SLC35F1: variants seen among roughly 807,000 people sequenced by gnomAD.
SLC35F1 encodes chromosome 6 open reading frame 169.
Under a neutral mutation model 48.7 loss-of-function variants are expected in SLC35F1, and 14 were observed. That is an observed-to-expected ratio of 0.29 (90% CI 0.19 to 0.45). SLC35F1 has a LOEUF of 0.45. Among genes scored for constraint, SLC35F1 ranks in the 20% least tolerant of loss-of-function variants. SLC35F1 has a pLI of 1.00. For synonymous variants in SLC35F1, 190 were observed against 202.2 expected (o/e 0.94, Z 0.51); for missense variants, 404 against 500.0 (o/e 0.81, Z 1.83).
At position 118,125,912 on chromosome 6, in the gene SLC35F1, C is replaced by T. The variant is rs1190886505; in HGVS notation, c.174-28533C>T. On this transcript the variant is annotated intron_variant, in intron 1 of 7. Coordinates refer to ENST00000360388, the MANE Select transcript of SLC35F1 (RefSeq NM_001029858.4). Reference sequence around the variant, plus strand: ...CTGGAGCAGCTCTTGGGCTATTGCCCGTGGATAATCGCTGTTCTTTTTTTT... The same window carrying T: ...CTGGAGCAGCTCTTGGGCTATTGCCTGTGGATAATCGCTGTTCTTTTTTTT... Among the ~76,000 whole-genome samples the T allele has an allele frequency of 2.0e-5, 3 of 152,170 alleles. No homozygotes were observed. In the East Asian group the frequency reaches 5.8e-4, roughly 29 times the overall value.
At chr6:117,926,845 C>A (rs1342989738) in intron 1 of SLC35F1, among the ~76,000 whole-genome samples, 1 of 152,104 alleles carries the variant, frequency 6.6e-6, no homozygotes, top group Non-Finnish European at 1.5e-5. Flanking sequence ...GCAGTATAAA[C>A]AGTGAATTTG....
At chr6:117,911,377 A>G (rs1358583823) in intron 1 of SLC35F1, among the ~76,000 whole-genome samples, 1 of 141,710 alleles carries the variant, frequency 7.1e-6, no homozygotes, top group Non-Finnish European at 1.5e-5. Flanking sequence ...TCTTCTTCAC[A>G]TTTCCCTCCC....
intron 1 of SLC35F1, among the ~76,000 whole-genome samples, chr6:118,094,247 A>G (rs1773117072): frequency 6.6e-6 from 1 of 152,202 alleles, no homozygotes; most frequent in Non-Finnish European, 1.5e-5. Context: ...GGCACTGATC[A>G]TAGGAGAGAA....
At chr6:118,219,715 C>T (rs1445523370) in intron 2 of SLC35F1, among the ~76,000 whole-genome samples, 1 of 152,102 alleles carries the variant, frequency 6.6e-6, no homozygotes, top group Non-Finnish European at 1.5e-5. Flanking sequence ...AAGACACATG[C>T]TACGTATGTT....
intron 7 of SLC35F1, among the ~76,000 whole-genome samples, chr6:118,298,042 A>G (rs1247183225): frequency 2.0e-5 from 3 of 151,996 alleles, no homozygotes; most frequent in Non-Finnish European, 4.4e-5. Context: ...CTCTCTCATC[A>G]TGTGACATGC....
At chr6:118,008,456 T>G (rs1777204101) in intron 1 of SLC35F1, among the ~76,000 whole-genome samples, 1 of 152,142 alleles carries the variant, frequency 6.6e-6, no homozygotes, top group South Asian at 2.1e-4. Flanking sequence ...TTAAATTAAT[T>G]TCAGGTTTGA....
At chr6:118,030,550 A>G (rs1365829302) in intron 1 of SLC35F1, among the ~76,000 whole-genome samples, 1 of 152,208 alleles carries the variant, frequency 6.6e-6, no homozygotes, top group African/African-American at 2.4e-5. Context: ...TCTCTTAAAA[A>G]GGAGAAAGTT....
intron 3 of SLC35F1, among the ~76,000 whole-genome samples, chr6:118,248,761 C>G (rs1775537937): frequency 6.6e-6 from 1 of 152,202 alleles, no homozygotes; most frequent in Middle Eastern, 3.2e-3. Flanking sequence ...TTTATTACAG[C>G]AGCAATGGAA....
chr6:118,051,579 G>A (rs569903800), intron 1 of SLC35F1, among the ~76,000 whole-genome samples: 3 of 152,026 alleles, frequency 2.0e-5, no homozygotes, highest in Non-Finnish European at 4.4e-5. Context: ...GTAAGGGTGG[G>A]GTTATGAAAA....
intron 1 of SLC35F1, among the ~76,000 whole-genome samples, chr6:118,055,359 A>C (rs1772449122): frequency 6.6e-6 from 1 of 152,134 alleles, no homozygotes; most frequent in Non-Finnish European, 1.5e-5. Flanking sequence ...TTCTTGGCAA[A>C]TTATTTAGTC....
rs184619747 is a variant in SLC35F1 at position 117,961,943 on chromosome 6, A to G, written c.173+54044A>G. On this transcript the variant is annotated intron_variant, in intron 1 of 7. Transcript: ENST00000360388. ...GGCTGGAGGAAGATGGTGGTAAGTT[A>G]TATCAGAACTCAGTTTATGCATAGA... Among the ~76,000 whole-genome samples the G allele has an allele frequency of 1.7e-3, 257 of 152,364 alleles. 1 individual carries two copies. The highest frequency in any genetic ancestry group is 3.4e-3 in the Middle Eastern group (1 of 294).
intron 2 of SLC35F1, among the ~76,000 whole-genome samples, chr6:118,209,650 A>G (rs1346361632): frequency 6.6e-6 from 1 of 152,074 alleles, no homozygotes; most frequent in African/African-American, 2.4e-5. Flanking sequence ...TCATTTTAAT[A>G]TTATATTAAA....
chr6:118,066,191 G>A (rs2114284508), intron 1 of SLC35F1, among the ~76,000 whole-genome samples: 1 of 152,152 alleles, frequency 6.6e-6, no homozygotes, highest in African/African-American at 2.4e-5. Flanking sequence ...ATTGGAATTT[G>A]GCTTATTTCT....
intron 7 of SLC35F1, among the ~76,000 whole-genome samples, chr6:118,287,899 A>C (rs1407306583): frequency 6.6e-6 from 1 of 152,196 alleles, no homozygotes; most frequent in Non-Finnish European, 1.5e-5. Flanking sequence ...ACCATGTAGT[A>C]ACCCCTCATT....
chr6:117,982,166 C>G (rs1446099531), intron 1 of SLC35F1, among the ~76,000 whole-genome samples: 1 of 152,078 alleles, frequency 6.6e-6, no homozygotes, highest in Non-Finnish European at 1.5e-5. Context: ...AATAAATTAG[C>G]CTTTCTTTAT....
intron 2 of SLC35F1, among the ~76,000 whole-genome samples, chr6:118,218,698 T>C (rs4946328): frequency 0.93 from 142,143 of 152,274 alleles, 66,408 homozygotes; most frequent in East Asian, 0.98. Flanking sequence ...TTAAAAGCTG[T>C]GTAGCCAGTG....
intron 1 of SLC35F1, among the ~76,000 whole-genome samples, chr6:117,975,093 T>A (rs1776689426): frequency 2.0e-5 from 3 of 152,214 alleles, no homozygotes; most frequent in Admixed American, 6.5e-5. Context: ...ATCCATAGCC[T>A]CTGAGTTTTG....
At chr6:118,066,228 C>A (rs2114284597) in intron 1 of SLC35F1, among the ~76,000 whole-genome samples, 1 of 152,266 alleles carries the variant, frequency 6.6e-6, no homozygotes, top group South Asian at 2.1e-4. Flanking sequence ...AACTGCCATG[C>A]AATTCAGTTG....
intron 2 of SLC35F1, among the ~76,000 whole-genome samples, chr6:118,166,076 AT>A (rs1389569584): frequency 2.0e-5 from 3 of 152,202 alleles, no homozygotes; most frequent in African/African-American, 7.2e-5. Context: ...TTGGTCTCCC[AT>A]TTTTAGGCAA....
Sources: allele counts gnomAD v4.1 joint callset (sites outside exome capture counted in the v4.1 genomes callset), GRCh38; gene constraint gnomAD v4.1.1; transcripts MANE v1.5; gene names NCBI Gene and HGNC (gene_info 2026-07-23, HGNC 2026-07-21).